Variants in RTN3 observed in about 807,000 individuals in gnomAD.
RTN3 encodes reticulon 3.
Under a neutral mutation model 77.8 loss-of-function variants are expected in RTN3, and 49 were observed. The ratio of observed to expected loss-of-function variants is 0.63; its 90% CI spans 0.50 to 0.80. The LOEUF (loss-of-function observed/expected upper bound fraction) is 0.80. Among genes scored for constraint, RTN3 ranks in the 30% least tolerant of loss-of-function variants. RTN3 has a pLI of 0.00. For missense variants in RTN3, 1,236 were observed against 1,211.9 expected (o/e 1.02, Z -0.29); for synonymous variants, 464 against 446.9 (o/e 1.04, Z -0.48).
chr11:63,753,687 G>A lies in RTN3; in HGVS notation c.2973G>A (p.Pro991=), dbSNP rs1015144594. ...CTGAACTGCTCATTTTCAGTGTCCC[G>A]ATTGTCTATGAGAAGTACAAGGTAA... The part of the protein sequence containing the change: ...ILAELLIFSV[P]IVYEKYKTQI... The change falls in exon 7 of 9, where the codon CCG becomes CCA. Residue 991 remains proline, a synonymous_variant. Coordinates refer to ENST00000377819, the MANE Select transcript of RTN3 (RefSeq NM_001265589.2). 3.1e-6 allele frequency: 5 copies of A among 1,613,586 alleles called. No homozygotes were observed. The highest frequency in any genetic ancestry group is 2.7e-5 in the African/African-American group (2 of 74,900).
intron 7 of RTN3, among the ~76,000 whole-genome samples, 175 bp downstream of exon 7, chr11:63,753,883 A>G (rs1458642924): frequency 6.6e-6 from 1 of 152,256 alleles, no homozygotes; most frequent in Non-Finnish European, 1.5e-5. Flanking sequence ...AAGGAGAGAA[A>G]CTGGATATTT....
At chr11:63,712,411 C>G (rs1484497461) in intron 2 of RTN3, among the ~76,000 whole-genome samples, 1 of 151,978 alleles carries the variant, frequency 6.6e-6, no homozygotes, top group East Asian at 1.9e-4. Context: ...TTTAATTTTC[C>G]CATTTTGATG....
chr11:63,741,205 A>ATTT (rs200601507), intron 3 of RTN3, among the ~76,000 whole-genome samples: 5 of 127,322 alleles, frequency 3.9e-5, no homozygotes, highest in Non-Finnish European at 8.9e-5. Context: ...TTATTTATTT[A>ATTT]TTTATTTATT....
intron 2 of RTN3, among the ~76,000 whole-genome samples, chr11:63,707,791 G>A (rs1203043352): frequency 1.3e-5 from 2 of 152,048 alleles, no homozygotes; most frequent in East Asian, 1.9e-4. Flanking sequence ...CCGAGATCAC[G>A]CTATTCATTG....
At chr11:63,753,948 G>A (rs931197554) in intron 7 of RTN3, among the ~76,000 whole-genome samples, 25 of 152,324 alleles carry the variant, frequency 1.6e-4, no homozygotes, top group African/African-American at 5.1e-4. Context: ...TGTGCCTTTC[G>A]AGTTTTTAAT....
chr11:63,743,985 T>A (rs1219705678), intron 3 of RTN3, among the ~76,000 whole-genome samples: 2 of 151,524 alleles, frequency 1.3e-5, no homozygotes, highest in African/African-American at 4.9e-5. Flanking sequence ...GGCTCACGCC[T>A]GTAATTCCAG....
chr11:63,742,825 A>C (rs561503561), intron 3 of RTN3, among the ~76,000 whole-genome samples: 2 of 152,100 alleles, frequency 1.3e-5, no homozygotes, highest in South Asian at 2.1e-4. Context: ...TACTGGTCTT[A>C]TATATCTTTT....
chr11:63,740,478 T>TTTTTTTTAC (rs2013398731), intron 3 of RTN3, among the ~76,000 whole-genome samples: 1 of 150,576 alleles, frequency 6.6e-6, no homozygotes, highest in Non-Finnish European at 1.5e-5. Flanking sequence ...TTTGTATTTT[T>TTTTTTTTAC]AGTACAGACA....
At chr11:63,737,867 C>T (rs977794759) in intron 3 of RTN3, among the ~76,000 whole-genome samples, 2 of 152,138 alleles carry the variant, frequency 1.3e-5, no homozygotes, top group Non-Finnish European at 2.9e-5. Flanking sequence ...TTATCTATGG[C>T]CAAAAGTATG....
intron 3 of RTN3, among the ~76,000 whole-genome samples, chr11:63,747,714 C>T (rs1418467417): frequency 6.6e-6 from 1 of 152,182 alleles, no homozygotes; most frequent in Non-Finnish European, 1.5e-5. Flanking sequence ...TTGAATCACA[C>T]CCAGTTCATT....
chr11:63,681,503 C>G lies in RTN3; in HGVS notation c.-134C>G. ...GCTGCGCTCGGCTGAGTCAGTCAGT[C>G]TGTCGGAGTCTGTCCTCGGAGCAGG... On this transcript the variant is annotated 5_prime_UTR_variant, in exon 1 of 9. Transcript: ENST00000377819. The G allele has an allele frequency of 3.3e-6, 3 of 900,966 alleles. No homozygotes were observed. The highest frequency in any genetic ancestry group is 4.6e-5 in the South Asian group (2 of 43,464). 55.8% of individuals were successfully genotyped at this position (900,966 alleles called of 1,614,324 possible).
At chr11:63,685,223 G>A (rs758006597) in intron 1 of RTN3, among the ~76,000 whole-genome samples, 5 of 151,908 alleles carry the variant, frequency 3.3e-5, no homozygotes, top group Non-Finnish European at 7.4e-5. Flanking sequence ...GGCCAGGCAC[G>A]CTTGCTCACT....
chr11:63,738,117 A>G (rs2013249347), intron 3 of RTN3, among the ~76,000 whole-genome samples: 1 of 152,246 alleles, frequency 6.6e-6, no homozygotes, highest in African/African-American at 2.4e-5. Context: ...GAAAAGAAAT[A>G]ATCTGTGTAA....
intron 2 of RTN3, 123 bp downstream of exon 2, chr11:63,705,030 A>C: frequency 1.3e-6 from 1 of 775,894 alleles, no homozygotes; most frequent in Non-Finnish European, 2.2e-6. Flanking sequence ...AACTAATTAC[A>C]AGCTGATTCT....
At chr11:63,754,225 C>T (rs2014248094) in intron 7 of RTN3, among the ~76,000 whole-genome samples, 1 of 152,168 alleles carries the variant, frequency 6.6e-6, no homozygotes, top group Admixed American at 6.5e-5. Context: ...GAGATCATGT[C>T]ATTGCACTCC....
At chr11:63,710,438 T>G (rs576221402) in intron 2 of RTN3, among the ~76,000 whole-genome samples, 35 of 152,274 alleles carry the variant, frequency 2.3e-4, no homozygotes, top group African/African-American at 7.7e-4. Context: ...AATTTCTTCC[T>G]CAATTCCCAT....
intron 3 of RTN3, among the ~76,000 whole-genome samples, chr11:63,745,467 G>C (rs1179615676): frequency 6.6e-6 from 1 of 152,224 alleles, no homozygotes; most frequent in East Asian, 1.9e-4. Context: ...CAGTGTCTGA[G>C]GAAGTAGCCC....
At chr11:63,709,771 A>G (rs1419584189) in intron 2 of RTN3, among the ~76,000 whole-genome samples, 4 of 152,174 alleles carry the variant, frequency 2.6e-5, no homozygotes, top group African/African-American at 7.2e-5. Context: ...AGGAAAACCT[A>G]TACCTGAATA....
chr11:63,751,867 C>T (rs2014124732), intron 4 of RTN3, among the ~76,000 whole-genome samples: 1 of 152,072 alleles, frequency 6.6e-6, no homozygotes, highest in Non-Finnish European at 1.5e-5. Flanking sequence ...TGGCAGGTGC[C>T]TGTAATCCCA....
Sources: allele counts gnomAD v4.1 joint callset (sites outside exome capture counted in the v4.1 genomes callset), GRCh38; gene constraint gnomAD v4.1.1; transcripts MANE v1.5; gene names NCBI Gene and HGNC (gene_info 2026-07-23, HGNC 2026-07-21).